The following CPLANE1 variants were observed in gnomAD, a reference collection of about 807,000 sequenced individuals.
CPLANE1 encodes the protein ciliogenesis and planar polarity effector 1.
In CPLANE1, 263 loss-of-function variants were observed where a neutral mutation model predicts 362.5. The observed-to-expected ratio is 0.73, with a 90% CI of 0.66 to 0.80. The LOEUF (loss-of-function observed/expected upper bound fraction) is 0.80. Among genes scored for constraint, CPLANE1 ranks in the 30% least tolerant of loss-of-function variants. The pLI is 0.00. For missense variants in CPLANE1, 3,461 were observed against 3,793.4 expected (o/e 0.91, Z 2.30); for synonymous variants, 1,212 against 1,302.6 (o/e 0.93, Z 1.50).
intron 12 of CPLANE1, 38 bp downstream of exon 12, chr5:37,226,266 A>T (rs1253001557): frequency 1.5e-6 from 2 of 1,364,986 alleles, no homozygotes; most frequent in Non-Finnish European, 1.9e-6. Context: ...AAAAAAACTA[A>T]GCTAATAGTA....
rs1458005825 is a variant in CPLANE1, at chr5:37,247,724, T to A, written c.-26A>T. 1 of 1,527,842 alleles carries A rather than the reference T, an allele frequency of 6.5e-7. No individual in the cohort carries two copies. Among genetic ancestry groups the A allele is most frequent in the Non-Finnish European group, 8.8e-7 (1 of 1,131,558 alleles). 94.6% of individuals were successfully genotyped at this position (1,527,842 alleles called of 1,614,324 possible). On this transcript the variant is annotated 5_prime_UTR_variant, in exon 2 of 53. Transcript: ENST00000651892. ...GTTTGTTAAGCTATCAATGACCAAT[T>A]AAGTAAAACAGTCCCAAGATTCTGT...
intron 21 of CPLANE1, among the ~76,000 whole-genome samples, chr5:37,190,165 T>C (rs1785123919): frequency 6.6e-6 from 1 of 152,114 alleles, no homozygotes; most frequent in Admixed American, 6.6e-5. Context: ...ACCAAAAAGA[T>C]GTAACCAACT....
intron 46 of CPLANE1, among the ~76,000 whole-genome samples, chr5:37,132,913 A>G (rs967037916): frequency 6.6e-6 from 1 of 152,178 alleles, no homozygotes; most frequent in Non-Finnish European, 1.5e-5. Flanking sequence ...GAGGTCTTAT[A>G]TTTAAATGTT....
intron 21 of CPLANE1, among the ~76,000 whole-genome samples, chr5:37,189,860 G>A (rs551749324): frequency 3.9e-5 from 6 of 152,036 alleles, no homozygotes; most frequent in Admixed American, 1.3e-4. Flanking sequence ...TTAGCTGGGC[G>A]TGGTGGTGTG....
chr5:37,096,496 G>A, the CPLANE1 span, among the ~76,000 whole-genome samples: 1 of 152,174 alleles, frequency 6.6e-6, no homozygotes, highest in South Asian at 2.1e-4. Context: ...ATTGGCTTAT[G>A]TAAGGATTTC....
chr5:37,247,197 C>T (rs78197962), intron 2 of CPLANE1, among the ~76,000 whole-genome samples: 17,745 of 152,160 alleles, frequency 0.12, 1,103 homozygotes, highest in Admixed American at 0.16. Context: ...TATTGTGGCC[C>T]ATTTCTTCCA....
chr5:37,226,979 A>T lies in CPLANE1; in HGVS notation c.1616T>A (p.Met539Lys). The change falls in exon 12 of 53, where the codon ATG becomes AAG. Residue 539 changes from methionine to lysine, a missense_variant. Coordinates refer to ENST00000651892, the MANE Select transcript of CPLANE1 (RefSeq NM_001384732.1). ...NKRDDVLCSS[M>K]KEGRLEFASM... is the part of the protein sequence containing the mutation. ...TGCAAATTCCAATCTTCCTTCCTTC[A>T]TACTACTACACAGCACATCATCTCT... is the stretch of plus-strand genomic sequence containing the variant. 6.4e-7 allele frequency: 1 copy of T among 1,551,800 alleles called. No homozygotes were observed. Among genetic ancestry groups the T allele is most frequent in the South Asian group, 1.2e-5 (1 of 84,062 alleles).
At chr5:37,090,070 G>A in the CPLANE1 span, among the ~76,000 whole-genome samples, 9 of 152,192 alleles carry the variant, frequency 5.9e-5, no homozygotes, top group South Asian at 1.7e-3. Flanking sequence ...TCTTGGGTAC[G>A]TATTAACTTT....
In CPLANE1 at chr5:37,122,828, C is replaced by G. The variant is rs138506280; in HGVS notation, c.8959-340G>C. Among the ~76,000 whole-genome samples, 277 of 152,160 alleles carry G rather than the reference C, an allele frequency of 1.8e-3. 2 individuals carry two copies. The highest frequency in any genetic ancestry group is 6.6e-3 in the African/African-American group (272 of 41,514). ...CCTGGGAGGCGGAGGCTGCAGTGAG[C>G]TGAGATAGCGCCACTGCACTCCAGC... On this transcript the variant is annotated intron_variant, in intron 47 of 52. Coordinates refer to ENST00000651892, the MANE Select transcript of CPLANE1 (RefSeq NM_001384732.1).
intron 44 of CPLANE1, chr5:37,140,668 G>T: frequency 1.0e-6 from 1 of 985,346 alleles, no homozygotes; most frequent in Non-Finnish European, 1.2e-6. Flanking sequence ...CTGCATATGG[G>T]GAAGTAGGTG....
intron 16 of CPLANE1, chr5:37,210,216 C>G: frequency 1.9e-6 from 3 of 1,586,434 alleles, no homozygotes; most frequent in Non-Finnish European, 2.6e-6. Context: ...GATTTATGCT[C>G]AAAGGCAACT....
At chr5:37,225,821 C>G (rs1796342773) in intron 12 of CPLANE1, among the ~76,000 whole-genome samples, 1 of 144,404 alleles carries the variant, frequency 6.9e-6, no homozygotes, top group Non-Finnish European at 1.5e-5. Context: ...TCATCGCACT[C>G]CAGCCTGGGG....
chr5:37,211,288 CG>C (rs1792529779), intron 16 of CPLANE1: 10 of 1,509,742 alleles, frequency 6.6e-6, no homozygotes, highest in Non-Finnish European at 4.5e-6. Flanking sequence ...CAGCAAGAGG[CG>C]GAACGCTTGG....
Position 37,227,565 on chromosome 5 carries a change from T to C in CPLANE1, c.1371+3A>G, listed in dbSNP as rs1467826040. 2 of 1,538,430 alleles carry C rather than the reference T, an allele frequency of 1.3e-6. No homozygotes were observed. The highest frequency in any genetic ancestry group is 2.1e-5 in the Admixed American group (1 of 47,526). ...TCCCCAATGATATAAAAAAGCACTATACCTTAGACAATATCACACTTTGAT... is the reference window on the plus strand; with the variant it reads ...TCCCCAATGATATAAAAAAGCACTACACCTTAGACAATATCACACTTTGAT... On this transcript the variant is annotated splice_donor_region_variant and intron_variant, in intron 10 of 52. Transcript: ENST00000651892.
the CPLANE1 span, among the ~76,000 whole-genome samples, chr5:37,095,006 AAAG>A: frequency 6.6e-6 from 1 of 152,206 alleles, no homozygotes; most frequent in African/African-American, 2.4e-5. Context: ...CCAAACATTC[AAAG>A]AAGAATTGGC....
intron 43 of CPLANE1, among the ~76,000 whole-genome samples, chr5:37,142,917 C>T (rs1159728181): frequency 6.6e-6 from 1 of 152,144 alleles, no homozygotes; most frequent in African/African-American, 2.4e-5. Context: ...ACTGAGCTAC[C>T]TTCATGTATC....
chr5:37,169,581 T>A lies in CPLANE1; in HGVS notation c.6463-20A>T. On this transcript the variant is annotated intron_variant, in intron 33 of 52. Coordinates refer to ENST00000651892, the MANE Select transcript of CPLANE1 (RefSeq NM_001384732.1). ...AACATTCTGGAAGAGAAAAAAGATA[T>A]TATGTAAGTTTAGAATATATTAGAA... 1 of 1,547,298 alleles carries A rather than the reference T, an allele frequency of 6.5e-7. No individual in the cohort carries two copies. The highest frequency in any genetic ancestry group is 8.7e-7 in the Non-Finnish European group (1 of 1,147,312).
At chr5:37,125,048 A>G in intron 47 of CPLANE1, 196 bp downstream of exon 47, 1 of 1,355,466 alleles carries the variant, frequency 7.4e-7, no homozygotes, top group Non-Finnish European at 9.4e-7. Flanking sequence ...ATAATTCAGT[A>G]TAACTTGGTT....
At chr5:37,110,908 C>T (rs140452027) in intron 51 of CPLANE1, among the ~76,000 whole-genome samples, 16 of 149,814 alleles carry the variant, frequency 1.1e-4, no homozygotes, top group African/African-American at 2.7e-4. Flanking sequence ...CCCGGGTTCA[C>T]GCCATTCTTC....
Sources: gnomAD v4.1 joint callset for allele counts (sites outside exome capture counted in the v4.1 genomes callset) on GRCh38, gnomAD v4.1.1 for gene constraint, MANE v1.5 for transcripts, NCBI Gene and HGNC (gene_info 2026-07-23, HGNC 2026-07-21) for gene names.